The following SLC4A4 variants were observed in gnomAD, a reference collection of about 807,000 sequenced individuals.
The protein encoded by SLC4A4 is solute carrier family 4 member 4, also known as electrogenic sodium bicarbonate cotransporter 1.
Under a neutral mutation model 111.5 loss-of-function variants are expected in SLC4A4, and 27 were observed. That is an observed-to-expected ratio of 0.24 (90% confidence interval 0.18 to 0.33). The LOEUF (loss-of-function observed/expected upper bound fraction) is 0.33, where lower values mean the gene tolerates loss of function less well. Among genes scored for constraint, SLC4A4 ranks in the 10% least tolerant of loss-of-function variants. SLC4A4 has a pLI of 1.00. For synonymous variants in SLC4A4, 443 were observed against 463.4 expected (o/e 0.96, Z 0.57); for missense variants, 909 against 1,315.5 (o/e 0.69, Z 4.78).
chr4:71,420,486 C>G (rs796114898), intron 7 of SLC4A4, among the ~76,000 whole-genome samples: 1 of 151,680 alleles, frequency 6.6e-6, no homozygotes, highest in Non-Finnish European at 1.5e-5. Flanking sequence ...ATACAGAGAA[C>G]GCCACAAAGA....
At chr4:71,491,491 C>T (rs188254681) in intron 15 of SLC4A4, among the ~76,000 whole-genome samples, 1 of 151,856 alleles carries the variant, frequency 6.6e-6, no homozygotes, top group African/African-American at 2.4e-5. Context: ...GGTTTCCTTC[C>T]ACATCCCAAA....
chr4:71,234,560 G>A (rs1421327565), intron 1 of SLC4A4, among the ~76,000 whole-genome samples: 2 of 152,152 alleles, frequency 1.3e-5, no homozygotes, highest in African/African-American at 4.8e-5. Context: ...CGAGGAGCTG[G>A]GATTACAGGC....
intron 7 of SLC4A4, among the ~76,000 whole-genome samples, chr4:71,439,556 G>C (rs2149056171): frequency 6.7e-6 from 1 of 148,360 alleles, no homozygotes; most frequent in Admixed American, 6.8e-5. Flanking sequence ...TCAGCAGCCT[G>C]TGATTTAACT....
chr4:71,466,140 G>A lies in SLC4A4; in HGVS notation c.1498-304G>A, dbSNP rs113066063. On this transcript the variant is annotated intron_variant, in intron 12 of 25. Transcript: ENST00000264485. ...TTGATTCTGACGTGTAGAAGCTTCA[G>A]TTAGTATTTTAGTAAGGATCGGAGC... 2.3e-3 allele frequency among the ~76,000 whole-genome samples: 349 copies of A among 152,260 alleles called. 1 individual carries two copies. Among genetic ancestry groups the A allele is most frequent in the South Asian group, 3.9e-3 (19 of 4,820 alleles).
chr4:71,195,142 G>A (rs1422569906), intron 1 of SLC4A4, among the ~76,000 whole-genome samples: 5 of 151,332 alleles, frequency 3.3e-5, no homozygotes, highest in African/African-American at 1.2e-4. Flanking sequence ...CAGGCTTGCA[G>A]CAGAAGAAAC....
chr4:71,176,312 G>C (rs1325255138), intron 2 of SLC4A4, among the ~76,000 whole-genome samples: 3 of 152,220 alleles, frequency 2.0e-5, no homozygotes, highest in Non-Finnish European at 2.9e-5. Flanking sequence ...ACTAGCAATG[G>C]AACAAAGCTG....
At chr4:71,299,450 G>A (rs1326092648) in intron 3 of SLC4A4, among the ~76,000 whole-genome samples, 2 of 151,404 alleles carry the variant, frequency 1.3e-5, no homozygotes, top group African/African-American at 4.9e-5. Context: ...TTGGGAGCTG[G>A]GAGACTGCTT....
intron 7 of SLC4A4, among the ~76,000 whole-genome samples, chr4:71,426,167 CT>C (rs1723113520): frequency 6.6e-6 from 1 of 151,932 alleles, no homozygotes; most frequent in Non-Finnish European, 1.5e-5. Flanking sequence ...CTTAAAATCT[CT>C]GTTTCAATGT....
At chr4:71,451,428 A>G (rs920503411) in intron 11 of SLC4A4, 127 bp downstream of exon 11, 23 of 726,708 alleles carry the variant, frequency 3.2e-5, no homozygotes, top group South Asian at 7.4e-5. Context: ...TGGTATACCT[A>G]TTTGTCACAG....
At chr4:71,208,543 A>C in intron 1 of SLC4A4, among the ~76,000 whole-genome samples, 1 of 151,646 alleles carries the variant, frequency 6.6e-6, no homozygotes, top group East Asian at 1.9e-4. Flanking sequence ...TGGAAATAAA[A>C]TGTGGTATTA....
chr4:71,110,731 T>A (rs1326940642), intron 2 of SLC4A4, among the ~76,000 whole-genome samples: 2 of 152,156 alleles, frequency 1.3e-5, no homozygotes, highest in Non-Finnish European at 2.9e-5. Flanking sequence ...ATGTTTTGTT[T>A]GTAGGTCATT....
intron 15 of SLC4A4, among the ~76,000 whole-genome samples, chr4:71,493,623 G>A (rs1347716665): frequency 2.0e-5 from 3 of 151,382 alleles, no homozygotes; most frequent in Non-Finnish European, 4.4e-5. Flanking sequence ...CAGTTACTAA[G>A]TCCTGGGACG....
intron 2 of SLC4A4, among the ~76,000 whole-genome samples, chr4:71,128,090 T>C (rs1743606241): frequency 6.6e-6 from 1 of 152,088 alleles, no homozygotes; most frequent in Non-Finnish European, 1.5e-5. Context: ...TATTAATCTG[T>C]TTTCACGCCA....
intron 15 of SLC4A4, among the ~76,000 whole-genome samples, chr4:71,494,188 G>A (rs1730193317): frequency 6.6e-6 from 1 of 151,956 alleles, no homozygotes; most frequent in Admixed American, 6.6e-5. Flanking sequence ...ACTTACAACA[G>A]TGAACATTGA....
At chr4:71,167,603 A>C (rs1009894793) in intron 2 of SLC4A4, among the ~76,000 whole-genome samples, 3 of 152,182 alleles carry the variant, frequency 2.0e-5, no homozygotes, top group Admixed American at 1.3e-4. Context: ...TTATGTTAAA[A>C]GTGAAATGTT....
intron 7 of SLC4A4, among the ~76,000 whole-genome samples, chr4:71,400,665 A>C (rs1720272805): frequency 6.6e-6 from 1 of 152,202 alleles, no homozygotes; most frequent in Non-Finnish European, 1.5e-5. Flanking sequence ...AATCTCTTCT[A>C]CAACCAAAGG....
At chr4:71,511,429 A>T (rs748276356) in intron 16 of SLC4A4, among the ~76,000 whole-genome samples, 24 of 150,734 alleles carry the variant, frequency 1.6e-4, no homozygotes, top group Non-Finnish European at 3.1e-4. Context: ...TATTTTGGAG[A>T]TTTGTCTTTT....
intron 1 of SLC4A4, among the ~76,000 whole-genome samples, chr4:71,201,172 G>A (rs144139908): frequency 9.2e-5 from 14 of 152,296 alleles, no homozygotes; most frequent in African/African-American, 3.4e-4. Flanking sequence ...GGGGAGTTAA[G>A]GAAGTTGGAC....
In SLC4A4 at chr4:71,497,521, C is replaced by CT; in HGVS notation, c.1996dup (p.Trp666LeufsTer22). On this transcript the variant is annotated frameshift_variant, in exon 16 of 26. Coordinates refer to ENST00000264485, the MANE Select transcript of SLC4A4 (RefSeq NM_001098484.3). LOFTEE classifies it high-confidence loss of function. ...TTCAGTACCATAATACTACCTTTGA[C>CT]TGGGCATTTTTGTCGAAGAAGGAGT... 6.2e-7 allele frequency: 1 copy of CT among 1,613,362 alleles called. No individual in the cohort carries two copies. Among genetic ancestry groups the CT allele is most frequent in the Non-Finnish European group, 8.5e-7 (1 of 1,179,622 alleles).
Sources: gnomAD v4.1 joint callset for allele counts (sites outside exome capture counted in the v4.1 genomes callset) on GRCh38, gnomAD v4.1.1 for gene constraint, MANE v1.5 for transcripts, NCBI Gene and HGNC (gene_info 2026-07-23, HGNC 2026-07-21) for gene names.